TMEM38B: variants seen among roughly 807,000 people sequenced by gnomAD.
TMEM38B encodes trimeric intracellular cation channel type B.
TMEM38B carries 24 observed loss-of-function variants against 28.7 expected under a neutral mutation model. The observed-to-expected ratio is 0.84, with a 90% CI of 0.61 to 1.18. The LOEUF (loss-of-function observed/expected upper bound fraction) is 1.18. TMEM38B is among the 50% of genes most tolerant of loss of function. The pLI, the probability that TMEM38B is intolerant of heterozygous loss-of-function variation, is 0.00. For missense variants in TMEM38B, 380 were observed against 350.9 expected, an observed-to-expected ratio of 1.08 and a Z score of -0.66; for synonymous variants, 131 against 127.7, an observed-to-expected ratio of 1.03 and a Z score of -0.17.
At chr9:105,697,729 A>G (rs1835336047) in intron 1 of TMEM38B, among the ~76,000 whole-genome samples, 1 of 152,116 alleles carries the variant, frequency 6.6e-6, no homozygotes, top group African/African-American at 2.4e-5. Flanking sequence ...TTTATTGCAG[A>G]AGTTTAAAAA....
intron 1 of TMEM38B, among the ~76,000 whole-genome samples, chr9:105,703,466 G>T (rs1441549218): frequency 6.6e-6 from 1 of 152,168 alleles, no homozygotes; most frequent in Admixed American, 6.5e-5. Flanking sequence ...ATTTGGGTTG[G>T]TTCCAAGTCT....
intron 2 of TMEM38B, among the ~76,000 whole-genome samples, chr9:105,719,495 G>C (rs1436594342): frequency 1.6e-4 from 25 of 152,174 alleles, no homozygotes; most frequent in Non-Finnish European, 1.5e-5. Context: ...AGGAATGGTT[G>C]TTGAGTGTGC....
chr9:105,713,364 T>C (rs1835978193), intron 2 of TMEM38B, among the ~76,000 whole-genome samples: 1 of 152,142 alleles, frequency 6.6e-6, no homozygotes, highest in Non-Finnish European at 1.5e-5. Context: ...GTTGCAGGCT[T>C]GGAGGTGCCT....
intron 2 of TMEM38B, among the ~76,000 whole-genome samples, chr9:105,711,407 C>A (rs748110885): frequency 2.6e-5 from 4 of 151,604 alleles, no homozygotes; most frequent in Admixed American, 6.6e-5. Flanking sequence ...TGCCACTGCA[C>A]TCCAGCCTGA....
intron 5 of TMEM38B, among the ~76,000 whole-genome samples, chr9:105,750,302 T>C (rs1180784205): frequency 6.6e-6 from 1 of 152,106 alleles, no homozygotes; most frequent in African/African-American, 2.4e-5. Flanking sequence ...TTTTCACTGA[T>C]AGTGCCCTTA....
At chr9:105,711,452 AAAG>A (rs1461460051) in intron 2 of TMEM38B, among the ~76,000 whole-genome samples, 1 of 152,108 alleles carries the variant, frequency 6.6e-6, no homozygotes, top group African/African-American at 2.4e-5. Context: ...AAAAAAAAGA[AAAG>A]AAAAGAAAAA....
At chr9:105,723,808 C>A (rs1022979887) in intron 4 of TMEM38B, among the ~76,000 whole-genome samples, 2 of 152,128 alleles carry the variant, frequency 1.3e-5, no homozygotes, top group African/African-American at 2.4e-5. Context: ...GGATTACAGG[C>A]ATGAGCCACT....
At chr9:105,738,085 T>G (rs147818275) in intron 4 of TMEM38B, among the ~76,000 whole-genome samples, 109 of 152,268 alleles carry the variant, frequency 7.2e-4, no homozygotes, top group African/African-American at 2.5e-3. Flanking sequence ...AGAGAGGCTC[T>G]GCTTTCAAGA....
At chr9:105,763,363 GT>G (rs1838137487) in intron 5 of TMEM38B, among the ~76,000 whole-genome samples, 2 of 152,110 alleles carry the variant, frequency 1.3e-5, no homozygotes, top group African/African-American at 4.8e-5. Context: ...TAATGCCTAG[GT>G]TTTCTTCTAG....
Position 105,705,679 on chromosome 9 carries a change from C to A in TMEM38B, c.195C>A (p.Ser65=). ...MLHCFGGGIL[S]CLLLAEPPLK... ...ACTGTTTTGGTGGAGGAATTTTATC[C>A]TGTCTACTGCTTGCAGAGCCTCCAT... The change falls in exon 2 of 6, where the codon TCC becomes TCA. Residue 65 remains serine (S), a synonymous_variant. Transcript: ENST00000374692. 2 of 1,613,992 alleles carry A rather than the reference C, an allele frequency of 1.2e-6. No individual in the cohort carries two copies. Among genetic ancestry groups the A allele is most frequent in the Non-Finnish European group, 1.7e-6 (2 of 1,180,004 alleles).
intron 4 of TMEM38B, among the ~76,000 whole-genome samples, chr9:105,739,247 T>A (rs1263845567): frequency 6.6e-6 from 1 of 152,160 alleles, no homozygotes; most frequent in Non-Finnish European, 1.5e-5. Context: ...CCATTTTGAT[T>A]ACTGTAGCAT....
At chr9:105,739,319 T>C (rs77157391) in intron 4 of TMEM38B, among the ~76,000 whole-genome samples, 18 of 151,306 alleles carry the variant, frequency 1.2e-4, no homozygotes, top group African/African-American at 3.7e-4. Flanking sequence ...TTTTTTTTTT[T>C]CCAAGATTGT....
At chr9:105,732,774 AT>A (rs1836806028) in intron 4 of TMEM38B, among the ~76,000 whole-genome samples, 1 of 152,032 alleles carries the variant, frequency 6.6e-6, no homozygotes, top group Non-Finnish European at 1.5e-5. Flanking sequence ...TTTGCTTAGG[AT>A]TGTCTTGGCA....
intron 5 of TMEM38B, among the ~76,000 whole-genome samples, chr9:105,749,889 T>A (rs996009634): frequency 1.3e-5 from 2 of 152,238 alleles, no homozygotes; most frequent in African/African-American, 4.8e-5. Context: ...CATCTGTGAA[T>A]GGAATTTTTA....
chr9:105,748,696 T>C (rs1837527978), intron 5 of TMEM38B, among the ~76,000 whole-genome samples: 1 of 152,194 alleles, frequency 6.6e-6, no homozygotes, highest in Non-Finnish European at 1.5e-5. Context: ...AGTCCCTGAA[T>C]AGGCAAGCCA....
At chr9:105,713,146 C>T (rs1835968095) in intron 2 of TMEM38B, among the ~76,000 whole-genome samples, 1 of 152,200 alleles carries the variant, frequency 6.6e-6, no homozygotes, top group African/African-American at 2.4e-5. Flanking sequence ...GCAACCCAGG[C>T]ACCCCTCTGC....
At chr9:105,740,836 C>T (rs1190027260) in intron 4 of TMEM38B, among the ~76,000 whole-genome samples, 2 of 152,066 alleles carry the variant, frequency 1.3e-5, no homozygotes, top group African/African-American at 4.8e-5. Context: ...GTGACAATTT[C>T]TGTTAATGTG....
At chr9:105,733,227 A>G (rs1836830802) in intron 4 of TMEM38B, among the ~76,000 whole-genome samples, 2 of 152,042 alleles carry the variant, frequency 1.3e-5, no homozygotes, top group African/African-American at 4.8e-5. Flanking sequence ...TGGGGTGGAG[A>G]GTTCTGTAGC....
At chr9:105,697,041 A>G (rs1453457028) in intron 1 of TMEM38B, among the ~76,000 whole-genome samples, 1 of 152,220 alleles carries the variant, frequency 6.6e-6, no homozygotes, top group Non-Finnish European at 1.5e-5. Flanking sequence ...GGGGTTGTCA[A>G]GAAATTTAAG....
Sources: allele counts gnomAD v4.1 joint callset (sites outside exome capture counted in the v4.1 genomes callset), GRCh38; gene constraint gnomAD v4.1.1; transcripts MANE v1.5; gene names NCBI Gene and HGNC (gene_info 2026-07-23, HGNC 2026-07-21).